The following GALNT13 variants were observed in gnomAD, a reference collection of about 807,000 sequenced individuals.
The protein encoded by GALNT13 is polypeptide N-acetylgalactosaminyltransferase 13.
GALNT13 carries 28 observed loss-of-function variants against 64.2 expected under a neutral mutation model. That is an observed-to-expected ratio of 0.44 (90% confidence interval 0.32 to 0.60). The LOEUF is 0.60. Ranked by LOEUF, GALNT13 falls within the 20% of genes least tolerant of loss-of-function variation. The pLI is 0.05. For synonymous variants in GALNT13, 214 were observed against 224.6 expected (o/e 0.95, Z 0.42); for missense variants, 577 against 669.8 (o/e 0.86, Z 1.53).
chr2:154,424,560 C>G (rs1574281369), intron 11 of GALNT13, among the ~76,000 whole-genome samples: 1 of 152,012 alleles, frequency 6.6e-6, no homozygotes, highest in Admixed American at 6.6e-5. Flanking sequence ...GGCTGCTTTG[C>G]CCATCAGTCA....
At chr2:153,208,348 G>A in the GALNT13 span, among the ~76,000 whole-genome samples, 549 of 152,108 alleles carry the variant, frequency 3.6e-3, 3 homozygotes, top group Middle Eastern at 0.014. Context: ...ATCTTTGTAC[G>A]TATAGTTTTG....
chr2:153,952,893 C>T (rs1372444507), intron 3 of GALNT13, among the ~76,000 whole-genome samples: 1 of 152,100 alleles, frequency 6.6e-6, no homozygotes, highest in Admixed American at 6.6e-5. Context: ...GTTCAATGTT[C>T]GAGGGCAGGG....
the GALNT13 span, among the ~76,000 whole-genome samples, chr2:153,835,014 A>G: frequency 2.0e-5 from 3 of 152,140 alleles, 1 homozygote; most frequent in African/African-American, 4.8e-5. Context: ...CACGCGAAGA[A>G]AAATTGAAAC....
the GALNT13 span, among the ~76,000 whole-genome samples, chr2:153,225,862 A>T: frequency 3.9e-5 from 6 of 152,104 alleles, no homozygotes; most frequent in African/African-American, 1.4e-4. Context: ...AGATAGGAGG[A>T]CTCAATATTC....
intron 3 of GALNT13, among the ~76,000 whole-genome samples, chr2:154,024,878 A>G (rs1244306821): frequency 6.6e-6 from 1 of 151,986 alleles, no homozygotes; most frequent in Non-Finnish European, 1.5e-5. Flanking sequence ...TTTGGTGTGG[A>G]TGTCCTTTCT....
the GALNT13 span, among the ~76,000 whole-genome samples, chr2:153,668,910 G>A: frequency 6.6e-6 from 1 of 152,168 alleles, no homozygotes; most frequent in Admixed American, 6.5e-5. Flanking sequence ...GTCTCACCTT[G>A]TTCCCCTACA....
intron 4 of GALNT13, among the ~76,000 whole-genome samples, chr2:154,168,843 AAAAT>A (rs1293649473): frequency 1.3e-5 from 2 of 152,044 alleles, no homozygotes; most frequent in East Asian, 3.9e-4. Context: ...CTCTGTCTCA[AAAAT>A]AAATAAATAA....
the GALNT13 span, among the ~76,000 whole-genome samples, chr2:153,695,785 A>T: frequency 1.3e-5 from 2 of 152,182 alleles, no homozygotes; most frequent in Non-Finnish European, 2.9e-5. Context: ...CTCTTTTTGA[A>T]GAAGTAAGCA....
intron 4 of GALNT13, among the ~76,000 whole-genome samples, chr2:154,203,247 G>C (rs1222365392): frequency 6.6e-6 from 1 of 152,120 alleles, no homozygotes; most frequent in Admixed American, 6.6e-5. Context: ...GAATAAATGT[G>C]AGTGTTTTGT....
At chr2:153,765,281 C>T in the GALNT13 span, among the ~76,000 whole-genome samples, 2,788 of 152,304 alleles carry the variant, frequency 0.018, 41 homozygotes, top group Non-Finnish European at 0.025. Context: ...CTGTACTCTG[C>T]AAAGCCACAG....
At chr2:153,629,834 G>A in the GALNT13 span, among the ~76,000 whole-genome samples, 2 of 147,518 alleles carry the variant, frequency 1.4e-5, no homozygotes, top group East Asian at 2.0e-4. Flanking sequence ...AAAAGTGGGC[G>A]AGGGACATGA....
At chr2:154,155,606 T>G (rs1269102480) in intron 4 of GALNT13, among the ~76,000 whole-genome samples, 1 of 152,076 alleles carries the variant, frequency 6.6e-6, no homozygotes, top group Non-Finnish European at 1.5e-5. Context: ...TAACTCATGA[T>G]AGTAAGACAT....
chr2:153,215,835 T>C, the GALNT13 span, among the ~76,000 whole-genome samples: 1 of 152,014 alleles, frequency 6.6e-6, no homozygotes, highest in Non-Finnish European at 1.5e-5. Flanking sequence ...AAATTTATTT[T>C]TAAATTTATG....
intron 9 of GALNT13, among the ~76,000 whole-genome samples, chr2:154,307,188 T>C (rs1217823909): frequency 6.6e-6 from 1 of 152,116 alleles, no homozygotes; most frequent in Non-Finnish European, 1.5e-5. Context: ...GGTTTACATA[T>C]GTGCTTAGGG....
the GALNT13 span, among the ~76,000 whole-genome samples, chr2:153,244,874 C>A: frequency 6.6e-6 from 1 of 152,204 alleles, no homozygotes; most frequent in East Asian, 1.9e-4. Flanking sequence ...AGCTAAGAAC[C>A]ACTGGCTTGA....
At chr2:153,554,275 A>C in the GALNT13 span, among the ~76,000 whole-genome samples, 1 of 151,974 alleles carries the variant, frequency 6.6e-6, no homozygotes, top group African/African-American at 2.4e-5. Flanking sequence ...TGGAGCTTGC[A>C]GTGAGCCGAG....
chr2:153,411,136 G>A, the GALNT13 span, among the ~76,000 whole-genome samples: 12 of 150,026 alleles, frequency 8.0e-5, no homozygotes, highest in African/African-American at 1.7e-4. Flanking sequence ...TATTACAAGC[G>A]TGAGCCACTG....
At chr2:153,296,887 A>G in the GALNT13 span, among the ~76,000 whole-genome samples, 1 of 152,228 alleles carries the variant, frequency 6.6e-6, no homozygotes. Context: ...CCTAAATCAC[A>G]GGAGAACCAA....
the GALNT13 span, among the ~76,000 whole-genome samples, chr2:153,489,038 C>A: frequency 1.3e-5 from 2 of 152,128 alleles, no homozygotes; most frequent in Non-Finnish European, 1.5e-5. Flanking sequence ...TCAAATACTG[C>A]ATGTTCTCAC....
Sources: gnomAD v4.1 joint callset for allele counts (sites outside exome capture counted in the v4.1 genomes callset) on GRCh38, gnomAD v4.1.1 for gene constraint, MANE v1.5 for transcripts, NCBI Gene and HGNC (gene_info 2026-07-23, HGNC 2026-07-21) for gene names.